Variants in PTPRE observed in about 807,000 individuals in gnomAD.
PTPRE encodes the protein receptor-type tyrosine-protein phosphatase epsilon.
In PTPRE, 51 loss-of-function variants were observed where a neutral mutation model predicts 102.0. That is an observed-to-expected ratio of 0.50 (90% CI 0.40 to 0.63). The LOEUF (loss-of-function observed/expected upper bound fraction) is 0.63. Among genes scored for constraint, PTPRE ranks in the 30% least tolerant of loss-of-function variants. The pLI is 0.00. For synonymous variants in PTPRE, 345 were observed against 348.2 expected (o/e 0.99, Z 0.10); for missense variants, 752 against 915.1 (o/e 0.82, Z 2.30).
chr10:127,978,366 C>G (rs2135451743), intron 1 of PTPRE, among the ~76,000 whole-genome samples: 1 of 152,052 alleles, frequency 6.6e-6, no homozygotes, highest in East Asian at 2.0e-4. Flanking sequence ...TCAGGAGACC[C>G]TGTCTCTACA....
At chr10:127,948,124 G>T (rs577522336) in intron 1 of PTPRE, among the ~76,000 whole-genome samples, 12 of 152,134 alleles carry the variant, frequency 7.9e-5, no homozygotes, top group Non-Finnish European at 5.9e-5. Flanking sequence ...GGGCCACTCC[G>T]TTGGCCCCCA....
At chr10:128,020,433 A>G (rs925994863) in intron 2 of PTPRE, among the ~76,000 whole-genome samples, 1 of 152,230 alleles carries the variant, frequency 6.6e-6, no homozygotes, top group African/African-American at 2.4e-5. Context: ...TTGGTTTCCA[A>G]TAACAGAAAC....
intron 2 of PTPRE, among the ~76,000 whole-genome samples, chr10:127,997,873 A>AAGTCCTGCT (rs1853433783): frequency 1.3e-5 from 2 of 152,226 alleles, no homozygotes; most frequent in African/African-American, 4.8e-5. Context: ...TTCTGTTTTG[A>AAGTCCTGCT]AGTCCTGCTG....
At chr10:128,040,152 G>T (rs1450488106) in intron 2 of PTPRE, among the ~76,000 whole-genome samples, 1 of 152,158 alleles carries the variant, frequency 6.6e-6, no homozygotes, top group Non-Finnish European at 1.5e-5. Context: ...CGCAGAGGCA[G>T]CTTACCTCCA....
intron 2 of PTPRE, among the ~76,000 whole-genome samples, chr10:128,025,024 T>A (rs1366327227): frequency 6.6e-6 from 1 of 151,732 alleles, no homozygotes; most frequent in African/African-American, 2.4e-5. Context: ...GCAAGCATGA[T>A]GGTGCATAAC....
intron 17 of PTPRE, 60 bp downstream of exon 17, chr10:128,073,531 C>T (rs11016053): frequency 0.12 from 192,193 of 1,559,582 alleles, 13,304 homozygotes; most frequent in East Asian, 0.24. Flanking sequence ...AGGCACTGTC[C>T]CCGTTCATTA....
chr10:127,945,355 C>T (rs557241013), intron 1 of PTPRE, among the ~76,000 whole-genome samples: 13 of 152,336 alleles, frequency 8.5e-5, no homozygotes, highest in African/African-American at 3.1e-4. Flanking sequence ...GAAAAGGCCT[C>T]TGTGCCTGAC....
At chr10:127,930,797 C>CTT (rs199628202) in intron 1 of PTPRE, among the ~76,000 whole-genome samples, 9 of 143,876 alleles carry the variant, frequency 6.3e-5, no homozygotes, top group East Asian at 2.0e-4. Flanking sequence ...TATTTATTTA[C>CTT]TTTTTTTTTT....
At chr10:128,074,369 T>C (rs776303254) in intron 17 of PTPRE, among the ~76,000 whole-genome samples, 3 of 152,234 alleles carry the variant, frequency 2.0e-5, no homozygotes, top group Non-Finnish European at 2.9e-5. Flanking sequence ...GGAGCTATTA[T>C]AAATAGTGCT....
intron 1 of PTPRE, among the ~76,000 whole-genome samples, chr10:127,979,636 C>T (rs955396909): frequency 3.3e-5 from 5 of 152,154 alleles, no homozygotes; most frequent in Non-Finnish European, 5.9e-5. Context: ...ATGATTGCAC[C>T]GCTGCACAAT....
rs1475670582 is a variant in PTPRE at position 127,907,289 on chromosome 10, G to T, written c.-51G>T. ...GCCTCCGCTGCAGCGCGATCTGCGC[G>T]ACCAGACCGGCCCCCCCGAGGTGAG... On this transcript the variant is annotated 5_prime_UTR_variant, in exon 1 of 21. Transcript: ENST00000254667. The surrounding 1 kb of genome is among the most constrained non-coding windows in gnomAD (Gnocchi z 4.8). 1 of 984,640 alleles carries T rather than the reference G, an allele frequency of 1.0e-6. No individual in the cohort carries two copies. Among genetic ancestry groups the T allele is most frequent in the Non-Finnish European group, 1.2e-6 (1 of 829,760 alleles). The allele number at this position is 984,640 out of a possible 1,614,324, so 61.0% of individuals were successfully genotyped here. A position where few individuals can be genotyped will look rare whatever the true frequency, so the allele number is the denominator to read the frequency against.
chr10:127,946,553 G>A (rs1848634969), intron 1 of PTPRE, among the ~76,000 whole-genome samples: 1 of 151,572 alleles, frequency 6.6e-6, no homozygotes, highest in South Asian at 2.1e-4. Context: ...GGCAGGGAGG[G>A]ATTTCCACCC....
At chr10:127,949,516 C>A (rs936932825) in intron 1 of PTPRE, among the ~76,000 whole-genome samples, 6 of 152,144 alleles carry the variant, frequency 3.9e-5, no homozygotes, top group African/African-American at 1.4e-4. Flanking sequence ...ATAAATACAT[C>A]CATACTCCTA....
chr10:128,083,556 C>T lies in PTPRE; in HGVS notation c.*650C>T, dbSNP rs1249515977. On this transcript the variant is annotated 3_prime_UTR_variant, in exon 21 of 21. Transcript: ENST00000254667. ...ACCATCAAGACTGTGTCTACACTAT[C>T]TTGGCTGAACGAGAAGAGATGTAAA... The T allele has an allele frequency of 6.6e-6, 1 of 152,190 alleles. No individual in the cohort carries two copies. Among genetic ancestry groups the T allele is most frequent in the African/African-American group, 2.4e-5 (1 of 41,432 alleles). The allele number at this position is 152,190 out of a possible 1,614,324, so 9.4% of individuals were successfully genotyped here.
intron 10 of PTPRE, among the ~76,000 whole-genome samples, chr10:128,064,394 GGGGAAGA>G (rs1163912727): frequency 4.9e-4 from 75 of 152,364 alleles, no homozygotes; most frequent in African/African-American, 1.8e-3. Context: ...GCTTTGTCAT[GGGGAAGA>G]GGGAAGAGTG....
At chr10:128,077,018 G>T (rs1214834141) in intron 18 of PTPRE, among the ~76,000 whole-genome samples, 1 of 152,100 alleles carries the variant, frequency 6.6e-6, no homozygotes, top group African/African-American at 2.4e-5. Context: ...GCCTCTCTGG[G>T]GCCCTCCTCC....
intron 1 of PTPRE, among the ~76,000 whole-genome samples, chr10:127,909,037 C>T (rs1845682034): frequency 2.0e-5 from 3 of 152,142 alleles, no homozygotes; most frequent in South Asian, 4.1e-4. Flanking sequence ...GAGGACAATG[C>T]GGAAAGTCAC....
intron 1 of PTPRE, among the ~76,000 whole-genome samples, chr10:127,967,346 C>T (rs1343137303): frequency 1.3e-5 from 2 of 152,298 alleles, no homozygotes; most frequent in Non-Finnish European, 2.9e-5. Context: ...ATAATCCCCA[C>T]GTGTCATGGG....
At chr10:127,941,719 A>G (rs938044853) in intron 1 of PTPRE, among the ~76,000 whole-genome samples, 1 of 152,190 alleles carries the variant, frequency 6.6e-6, no homozygotes, top group Non-Finnish European at 1.5e-5. Flanking sequence ...ATTTACTTCC[A>G]GATCTCCATT....
Sources: allele counts gnomAD v4.1 joint callset (sites outside exome capture counted in the v4.1 genomes callset), GRCh38; gene constraint gnomAD v4.1.1; non-coding constraint Gnocchi (gnomAD v3.1); transcripts MANE v1.5; gene names NCBI Gene and HGNC (gene_info 2026-07-23, HGNC 2026-07-21).